Variants in DAB1 observed in about 807,000 individuals in gnomAD.
The protein encoded by DAB1 is DAB adaptor protein 1, also known as disabled homolog 1.
A neutral mutation model predicts 64.6 loss-of-function variants in DAB1; 15 were observed. The observed-to-expected ratio is 0.23, with a 90% CI of 0.16 to 0.36. The LOEUF is 0.36. DAB1 is among the 10% of genes least tolerant of loss of function. The probability of loss-of-function intolerance (pLI) is 1.00; values close to 1 mark genes in which losing one functional copy is unlikely to be tolerated. For synonymous variants in DAB1, 235 were observed against 251.9 expected (o/e 0.93, Z 0.64); for missense variants, 596 against 706.7 (o/e 0.84, Z 1.78).
intron 6 of DAB1, among the ~76,000 whole-genome samples, chr1:57,798,709 T>A (rs1356335747): frequency 6.6e-6 from 1 of 152,212 alleles, no homozygotes; most frequent in African/African-American, 2.4e-5. Flanking sequence ...TTTAATATGA[T>A]AAGTCCTTCA....
At chr1:57,752,353 G>C (rs1046373277) in intron 6 of DAB1, among the ~76,000 whole-genome samples, 22 of 152,132 alleles carry the variant, frequency 1.4e-4, no homozygotes, top group Non-Finnish European at 1.2e-4. Flanking sequence ...TTTTGATGTT[G>C]AGACAAAGGA....
intron 5 of DAB1, among the ~76,000 whole-genome samples, chr1:57,902,446 GA>G (rs111518079): frequency 0.25 from 37,634 of 151,968 alleles, 5,415 homozygotes; most frequent in Non-Finnish European, 0.32. Context: ...GTACATTAAA[GA>G]ATTATTACCT....
rs537591549 is a variant in DAB1, at chr1:57,946,105, A to C, written n.388-61943T>G. The stretch of plus-strand genomic sequence containing the variant: ...CAGATACAGAACTGGGACACAGATC[A>C]CTAGGGTTTTACCAAACCATGCTGC... On this transcript the variant is annotated intron_variant and non_coding_transcript_variant, in intron 5 of 20. Coordinates refer to the DAB1 transcript ENST00000485760. 2.7e-3 allele frequency among the ~76,000 whole-genome samples: 413 copies of C among 152,324 alleles called. 4 individuals carry two copies. The highest frequency in any genetic ancestry group is 9.6e-3 in the African/African-American group (398 of 41,574).
At chr1:58,251,662 G>A (rs1392845895) in intron 4 of DAB1, among the ~76,000 whole-genome samples, 2 of 152,214 alleles carry the variant, frequency 1.3e-5, no homozygotes, top group Admixed American at 1.3e-4. Flanking sequence ...TTGGTGACAC[G>A]AGATGAGGTG....
chr1:57,054,547 C>T (rs370263528), intron 9 of DAB1, among the ~76,000 whole-genome samples: 22 of 146,086 alleles, frequency 1.5e-4, no homozygotes, highest in African/African-American at 5.3e-4. Flanking sequence ...GTGCAATTTC[C>T]GCTCGCTGCA....
chr1:57,782,638 T>C (rs1386446472), intron 6 of DAB1, among the ~76,000 whole-genome samples: 2 of 152,198 alleles, frequency 1.3e-5, no homozygotes, highest in Non-Finnish European at 2.9e-5. Context: ...GTTTTTTGTT[T>C]TGTTTTTTAG....
intron 6 of DAB1, among the ~76,000 whole-genome samples, chr1:57,795,706 T>G (rs1167685380): frequency 1.6e-5 from 2 of 126,456 alleles, no homozygotes; most frequent in African/African-American, 3.0e-5. Flanking sequence ...TATATATATA[T>G]ATATATATAT....
upstream of DAB1, among the ~76,000 whole-genome samples, chr1:57,425,502 A>C (rs1685250487): frequency 1.3e-5 from 2 of 152,202 alleles, no homozygotes; most frequent in African/African-American, 4.8e-5. Context: ...GTACATACAA[A>C]GTCATCAAGA....
At chr1:57,634,377 A>G (rs897070996) in intron 7 of DAB1, among the ~76,000 whole-genome samples, 1 of 152,224 alleles carries the variant, frequency 6.6e-6, no homozygotes, top group African/African-American at 2.4e-5. Context: ...GAACCTTTCT[A>G]AGGTGTAAGT....
chr1:58,205,112 C>T (rs975040580), intron 4 of DAB1, among the ~76,000 whole-genome samples: 3 of 152,130 alleles, frequency 2.0e-5, no homozygotes, highest in Non-Finnish European at 4.4e-5. Context: ...TACATAGGAG[C>T]CTGCCGGGCC....
At chr1:58,345,939 G>A (rs558428311) in intron 3 of DAB1, among the ~76,000 whole-genome samples, 28 of 152,138 alleles carry the variant, frequency 1.8e-4, no homozygotes, top group Non-Finnish European at 3.5e-4. Flanking sequence ...GCTGCCAAGA[G>A]CAGCTTCCAG....
intron 6 of DAB1, among the ~76,000 whole-genome samples, chr1:57,660,948 C>G (rs1273706017): frequency 1.3e-5 from 2 of 152,174 alleles, no homozygotes; most frequent in Non-Finnish European, 2.9e-5. Context: ...AAACGTGTCT[C>G]AAAGCGGGCT....
intron 5 of DAB1, among the ~76,000 whole-genome samples, chr1:57,946,603 G>A (rs1202853): frequency 0.14 from 21,633 of 152,084 alleles, 2,161 homozygotes; most frequent in African/African-American, 0.28. Flanking sequence ...GTAGAAAGAG[G>A]GGATGCGGTC....
chr1:57,162,773 T>A (rs189407658), intron 2 of DAB1, among the ~76,000 whole-genome samples: 1 of 152,392 alleles, frequency 6.6e-6, no homozygotes, highest in East Asian at 1.9e-4. Flanking sequence ...TGCTGTGTTA[T>A]ACTATTGACT....
chr1:57,008,628 G>A (rs1357389141), intron 14 of DAB1, among the ~76,000 whole-genome samples: 2 of 152,154 alleles, frequency 1.3e-5, no homozygotes, highest in African/African-American at 4.8e-5. Context: ...AATCACAGCA[G>A]TGTCACATAG....
intron 14 of DAB1, among the ~76,000 whole-genome samples, chr1:57,004,350 G>C (rs944943724): frequency 6.6e-6 from 1 of 152,202 alleles, no homozygotes; most frequent in Non-Finnish European, 1.5e-5. Context: ...TCTTGTATTT[G>C]TTTTTGGAAA....
chr1:57,251,600 C>T (rs1360179687), intron 2 of DAB1, among the ~76,000 whole-genome samples: 1 of 152,078 alleles, frequency 6.6e-6, no homozygotes, highest in Non-Finnish European at 1.5e-5. Flanking sequence ...CATCATTAGA[C>T]AGGGCTTATA....
At chr1:57,385,816 T>A (rs1681765176) in intron 1 of DAB1, among the ~76,000 whole-genome samples, 1 of 152,078 alleles carries the variant, frequency 6.6e-6, no homozygotes, top group Non-Finnish European at 1.5e-5. Flanking sequence ...TACCATGGAG[T>A]CTACCAAATC....
rs1224812485 is a variant in DAB1 at position 57,089,120 on chromosome 1, G to T, written c.307-16706C>A. On this transcript the variant is annotated intron_variant, in intron 4 of 14. Transcript: ENST00000371236. The stretch of plus-strand genomic sequence containing the variant: ...TTTCCACCTTATAGAACTGTTATGA[G>T]AATTATATGAAATTACACGTGACTT... Among the ~76,000 whole-genome samples the T allele has an allele frequency of 1.5e-3, 225 of 152,264 alleles. 4 individuals are homozygous for T. Among genetic ancestry groups the T allele is most frequent in the Non-Finnish European group, 1.5e-4 (10 of 68,024 alleles).
Sources: gnomAD v4.1 joint callset for allele counts (sites outside exome capture counted in the v4.1 genomes callset) on GRCh38, gnomAD v4.1.1 for gene constraint, MANE v1.5 for transcripts, NCBI Gene and HGNC (gene_info 2026-07-23, HGNC 2026-07-21) for gene names.